Variants in SIK3 observed in about 807,000 individuals in gnomAD.
SIK3 encodes serine/threonine-protein kinase SIK3.
In SIK3, 28 loss-of-function variants were observed where a neutral mutation model predicts 144.2. The ratio of observed to expected loss-of-function variants is 0.19; its 90% confidence interval spans 0.14 to 0.27. SIK3 has a LOEUF of 0.27. SIK3 is among the 10% of genes least tolerant of loss of function. The probability of loss-of-function intolerance (pLI) is 1.00; values close to 1 mark genes in which losing one functional copy is unlikely to be tolerated. For synonymous variants in SIK3, 686 were observed against 676.3 expected (o/e 1.01, Z -0.22); for missense variants, 1,319 against 1,776.0 (o/e 0.74, Z 4.62).
At chr11:116,950,784 G>A (rs1303207538) in intron 3 of SIK3, among the ~76,000 whole-genome samples, 1 of 143,094 alleles carries the variant, frequency 7.0e-6, no homozygotes, top group African/African-American at 2.5e-5. Flanking sequence ...AGGAAGCCCT[G>A]CGTTCTTGGC....
At position 116,876,938 on chromosome 11, in the gene SIK3, G is replaced by C. The variant is rs1453014925; in HGVS notation, c.970C>G (p.Pro324Ala). 1 of 1,614,144 alleles carries C rather than the reference G, an allele frequency of 6.2e-7. No homozygotes were observed. The highest frequency in any genetic ancestry group is 8.5e-7 in the Non-Finnish European group (1 of 1,179,986). The change falls in exon 7 of 25, where the codon CCC becomes GCC. Residue 324 changes from proline (P) to alanine (A), a missense_variant. Physicochemically the swap from Pro to Ala is conservative, Grantham distance 27. Around this residue, in one of 8 missense-constraint regions of SIK3, gnomAD observed 34 missense variants for 56.1 expected, o/e 0.61. Transcript: ENST00000445177. Reference sequence around the variant, plus strand: ...TCCCAGCTCACCCTGTCAAAGTTGGGATCGGCGTCCCCTAGCTTCATCCAC... The same window carrying C: ...TCCCAGCTCACCCTGTCAAAGTTGGCATCGGCGTCCCCTAGCTTCATCCAC... The part of the protein sequence containing the change: ...HKWMKLGDAD[P>A]NFDRLIAECQ...
intron 1 of SIK3, among the ~76,000 whole-genome samples, chr11:117,056,546 GAT>G (rs1465853757): frequency 3.8e-5 from 3 of 78,052 alleles, no homozygotes; most frequent in Non-Finnish European, 6.5e-5. Context: ...GATAGATATA[GAT>G]ATAGATATAG....
intron 1 of SIK3, among the ~76,000 whole-genome samples, chr11:116,958,273 C>A (rs543594430): frequency 1.3e-5 from 2 of 152,126 alleles, no homozygotes; most frequent in African/African-American, 4.8e-5. Context: ...TGGAGCCATA[C>A]GTGGCAGATT....
intron 1 of SIK3, among the ~76,000 whole-genome samples, chr11:117,005,384 A>G (rs1951010549): frequency 6.6e-6 from 1 of 151,492 alleles, no homozygotes; most frequent in Non-Finnish European, 1.5e-5. Context: ...CTTCACAAAC[A>G]TTTTTAAATG....
intron 1 of SIK3, among the ~76,000 whole-genome samples, chr11:117,021,950 A>C (rs1243777757): frequency 7.5e-6 from 1 of 132,846 alleles, no homozygotes; most frequent in Admixed American, 7.1e-5. Flanking sequence ...AAAAAAAAAA[A>C]AAAAAAAAAA....
intron 4 of SIK3, among the ~76,000 whole-genome samples, chr11:116,905,524 C>A (rs1246711411): frequency 1.3e-5 from 2 of 152,184 alleles, no homozygotes; most frequent in Non-Finnish European, 2.9e-5. Context: ...TAGGAAGTAT[C>A]CAAACTGCTA....
chr11:117,070,865 G>A (rs1565614802), intron 1 of SIK3, among the ~76,000 whole-genome samples: 1 of 147,754 alleles, frequency 6.8e-6, no homozygotes, highest in African/African-American at 2.5e-5. Context: ...CAATTCTCCT[G>A]TCTCAGCCTC....
rs113204271 is a variant in SIK3 at position 117,094,920 on chromosome 11, T to C, written c.273+3223A>G. Reference sequence around the variant, plus strand: ...GAACATTCTCTCCTGGTAACTGTTCTGCAGTGCCGCTCTAAGCACTGCAGT... The same window carrying C: ...GAACATTCTCTCCTGGTAACTGTTCCGCAGTGCCGCTCTAAGCACTGCAGT... On this transcript the variant is annotated intron_variant, in intron 1 of 24. Transcript: ENST00000445177. Among the ~76,000 whole-genome samples, 269 of 152,262 alleles carry C rather than the reference T, an allele frequency of 1.8e-3. 1 individual carries two copies. The highest frequency in any genetic ancestry group is 6.8e-3 in the Middle Eastern group (2 of 294).
chr11:117,014,075 G>A (rs1322713645), intron 1 of SIK3, among the ~76,000 whole-genome samples: 13 of 139,170 alleles, frequency 9.3e-5, no homozygotes, highest in African/African-American at 3.6e-4. Flanking sequence ...AACCTCCTGG[G>A]CTCAAGTGAT....
At chr11:117,008,860 C>G (rs1951148139) in intron 1 of SIK3, among the ~76,000 whole-genome samples, 1 of 152,084 alleles carries the variant, frequency 6.6e-6, no homozygotes, top group Non-Finnish European at 1.5e-5. Flanking sequence ...ACCAAAAGTA[C>G]AGAAACTAAC....
intron 4 of SIK3, 121 bp downstream of exon 4, chr11:116,927,098 A>C (rs976743059): frequency 3.0e-6 from 2 of 656,138 alleles, no homozygotes; most frequent in Non-Finnish European, 4.8e-6. Flanking sequence ...TTTTCATCTT[A>C]AATTGTCCTT....
intron 1 of SIK3, among the ~76,000 whole-genome samples, chr11:117,000,107 GT>G (rs1337461571): frequency 6.6e-6 from 1 of 151,974 alleles, no homozygotes; most frequent in Non-Finnish European, 1.5e-5. Context: ...TTTTTTCATT[GT>G]TGCTAAAACT....
intron 6 of SIK3, among the ~76,000 whole-genome samples, chr11:116,884,326 A>G (rs1302925077): frequency 6.7e-6 from 1 of 148,428 alleles, no homozygotes; most frequent in African/African-American, 2.5e-5. Flanking sequence ...AGCTGAGACT[A>G]CAGGCACACA....
chr11:117,055,966 A>T (rs377686226), intron 1 of SIK3, among the ~76,000 whole-genome samples: 23 of 152,332 alleles, frequency 1.5e-4, no homozygotes, highest in African/African-American at 4.3e-4. Flanking sequence ...TGAGAAAATA[A>T]AATTCTGTTA....
chr11:117,028,582 T>C (rs1278640392), intron 1 of SIK3, among the ~76,000 whole-genome samples: 1 of 151,714 alleles, frequency 6.6e-6, no homozygotes, highest in Admixed American at 6.6e-5. Context: ...GTTACCTGAA[T>C]CTTAGGATGT....
intron 3 of SIK3, among the ~76,000 whole-genome samples, chr11:116,951,318 C>T (rs1473325): frequency 0.16 from 24,646 of 152,028 alleles, 2,118 homozygotes; most frequent in Admixed American, 0.21. Context: ...TATCCCTGTG[C>T]AGTCTCAATA....
chr11:116,988,639 A>T (rs996592906), intron 1 of SIK3, among the ~76,000 whole-genome samples: 3 of 151,790 alleles, frequency 2.0e-5, no homozygotes, highest in African/African-American at 2.4e-5. Flanking sequence ...TTTAAAAATT[A>T]AAAAATTAGC....
intron 1 of SIK3, among the ~76,000 whole-genome samples, chr11:116,977,130 G>C (rs529707926): frequency 6.6e-6 from 1 of 151,966 alleles, no homozygotes; most frequent in African/African-American, 2.4e-5. Context: ...AAATATTTCC[G>C]GATCAGCAGA....
chr11:117,050,845 G>A (rs114763765), intron 1 of SIK3, among the ~76,000 whole-genome samples: 68 of 152,188 alleles, frequency 4.5e-4, no homozygotes, highest in African/African-American at 1.6e-3. Context: ...AACTAGGCCA[G>A]GTAAGCTACA....
Sources: allele counts gnomAD v4.1 joint callset (sites outside exome capture counted in the v4.1 genomes callset), GRCh38; gene constraint gnomAD v4.1.1; regional missense constraint gnomAD v4.1.1; transcripts MANE v1.5; gene names NCBI Gene and HGNC (gene_info 2026-07-23, HGNC 2026-07-21).